SCAI: variants seen among roughly 807,000 people sequenced by gnomAD.
SCAI encodes protein SCAI.
A neutral mutation model predicts 92.2 loss-of-function variants in SCAI; 24 were observed. That is an observed-to-expected ratio of 0.26 (90% CI 0.19 to 0.37). The LOEUF is 0.37. SCAI is among the 10% of genes least tolerant of loss of function. The probability of loss-of-function intolerance (pLI) is 1.00; values close to 1 mark genes in which losing one functional copy is unlikely to be tolerated. For synonymous variants in SCAI, 261 were observed against 258.6 expected, an observed-to-expected ratio of 1.01 and a Z score of -0.09; for missense variants, 450 against 736.2, an observed-to-expected ratio of 0.61 and a Z score of 4.50.
intron 2 of SCAI, among the ~76,000 whole-genome samples, chr9:125,137,082 G>T (rs760831145): frequency 6.6e-6 from 1 of 152,048 alleles, no homozygotes; most frequent in Non-Finnish European, 1.5e-5. Flanking sequence ...TAAATATCTG[G>T]CTACAACCAT....
In SCAI at chr9:125,043,907, G is replaced by C. The variant is rs1202079555; in HGVS notation, c.230+11969C>G. ...GCCACCTACTGAGTTGGAGGGGTGG[G>C]AGCCCAGCGCTCCTGGGTGCAGCTG... On this transcript the variant is annotated intron_variant, in intron 3 of 17. Transcript: ENST00000336505. Among the ~76,000 whole-genome samples, 10 of 152,154 alleles carry C rather than the reference G, an allele frequency of 6.6e-5. No individual in the cohort carries two copies. The East Asian group carries it at 1.9e-3, about 29-fold the overall frequency.
intron 2 of SCAI, among the ~76,000 whole-genome samples, chr9:125,068,928 A>G (rs1833921196): frequency 6.6e-6 from 1 of 151,178 alleles, no homozygotes; most frequent in African/African-American, 2.4e-5. Flanking sequence ...ATATAACAAA[A>G]AATTTGACCA....
At chr9:125,093,576 T>TG (rs1834486967) in intron 2 of SCAI, among the ~76,000 whole-genome samples, 1 of 151,648 alleles carries the variant, frequency 6.6e-6, no homozygotes, top group Non-Finnish European at 1.5e-5. Flanking sequence ...CCTTTTTTTT[T>TG]TTTTTTTGAG....
In SCAI at chr9:124,942,769, A is replaced by G. The variant is rs570316954; in HGVS notation, c.*10038T>C. On this transcript the variant is annotated 3_prime_UTR_variant, in exon 18 of 18. Coordinates refer to ENST00000336505, the MANE Select transcript of SCAI (RefSeq NM_001144877.3). ...ATTTCTTTAATACACTGACAACAAA[A>G]ATCAAATATTCTCTAATCTCGTTAT... 24 of 152,332 alleles carry G rather than the reference A, an allele frequency of 1.6e-4. No individual in the cohort carries two copies. The East Asian group carries it at 4.4e-3, about 28-fold the overall frequency. 9.4% of individuals were successfully genotyped at this position (152,332 alleles called of 1,614,324 possible).
chr9:125,017,901 G>A (rs961706134), intron 9 of SCAI, among the ~76,000 whole-genome samples: 1 of 151,570 alleles, frequency 6.6e-6, no homozygotes, highest in Non-Finnish European at 1.5e-5. Flanking sequence ...CAGCTACTTG[G>A]GAGGCTGAGA....
At chr9:125,016,377 GA>G (rs1326331177) in intron 9 of SCAI, among the ~76,000 whole-genome samples, 1 of 123,942 alleles carries the variant, frequency 8.1e-6, no homozygotes, top group Non-Finnish European at 1.6e-5. Context: ...GACAGAGCAA[GA>G]CTCTGTCTCA....
At chr9:125,054,686 A>G (rs940473897) in intron 3 of SCAI, among the ~76,000 whole-genome samples, 1 of 152,214 alleles carries the variant, frequency 6.6e-6, no homozygotes, top group African/African-American at 2.4e-5. Flanking sequence ...AGACACAATT[A>G]ATTTATAAAG....
intron 14 of SCAI, among the ~76,000 whole-genome samples, chr9:124,990,905 T>C (rs886207535): frequency 1.3e-5 from 2 of 152,140 alleles, no homozygotes; most frequent in African/African-American, 2.4e-5. Context: ...TCATAAATAC[T>C]GTAGCTGAGA....
chr9:125,094,613 C>T (rs187616465), intron 2 of SCAI, among the ~76,000 whole-genome samples: 82 of 152,246 alleles, frequency 5.4e-4, no homozygotes, highest in African/African-American at 1.8e-3. Context: ...GTGACCCTTC[C>T]GCCTCAGCTC....
At chr9:125,001,886 TGGG>T in intron 12 of SCAI, 76 bp downstream of exon 12, 5 of 985,974 alleles carry the variant, frequency 5.1e-6, no homozygotes, top group Non-Finnish European at 8.0e-6. Flanking sequence ...AGATGGTCTG[TGGG>T]CTACGGGCCA....
intron 2 of SCAI, among the ~76,000 whole-genome samples, chr9:125,081,890 GGAA>G (rs1834226317): frequency 6.6e-6 from 1 of 152,198 alleles, no homozygotes; most frequent in Admixed American, 6.5e-5. Flanking sequence ...GTTTTATAAG[GGAA>G]GAAGAACATA....
At chr9:125,044,338 C>G (rs1284909437) in intron 3 of SCAI, among the ~76,000 whole-genome samples, 2 of 152,044 alleles carry the variant, frequency 1.3e-5, no homozygotes, top group Admixed American at 1.3e-4. Context: ...CAAAATAACC[C>G]CAGACAGCCA....
intron 2 of SCAI, among the ~76,000 whole-genome samples, chr9:125,079,828 A>G (rs2131178267): frequency 6.6e-6 from 1 of 152,296 alleles, no homozygotes; most frequent in South Asian, 2.1e-4. Context: ...ACAGTTATTG[A>G]CCCTCAGTTT....
At position 124,952,069 on chromosome 9, in the gene SCAI, T is replaced by C. The variant is rs1028354910; in HGVS notation, c.*738A>G. 1.3e-5 allele frequency: 2 copies of C among 152,190 alleles called. No homozygotes were observed. The highest frequency in any genetic ancestry group is 3.8e-4 in the East Asian group (2 of 5,198). The allele number at this position is 152,190 out of a possible 1,614,324, so 9.4% of individuals were successfully genotyped here. A position where few individuals can be genotyped will look rare whatever the true frequency, so the allele number is the denominator to read the frequency against. ...TGGAGACATTGTATTATGAAACCAA[T>C]GACATGGTTTTTTGACTAAAATATT... On this transcript the variant is annotated 3_prime_UTR_variant, in exon 18 of 18. Coordinates refer to ENST00000336505, the MANE Select transcript of SCAI (RefSeq NM_001144877.3).
intron 2 of SCAI, among the ~76,000 whole-genome samples, chr9:125,128,956 G>A (rs1469158722): frequency 4.0e-5 from 6 of 151,634 alleles, no homozygotes; most frequent in Admixed American, 6.6e-5. Flanking sequence ...CCAGCTATTC[G>A]GGAGACTGAG....
At chr9:125,036,968 T>A (rs886690206) in intron 3 of SCAI, among the ~76,000 whole-genome samples, 2 of 151,990 alleles carry the variant, frequency 1.3e-5, no homozygotes, top group African/African-American at 2.4e-5. Context: ...AAAACATTTT[T>A]AAAAAAATTA....
At chr9:125,114,863 T>C (rs1835007659) in intron 2 of SCAI, among the ~76,000 whole-genome samples, 1 of 146,756 alleles carries the variant, frequency 6.8e-6, no homozygotes, top group Admixed American at 7.1e-5. Context: ...AACCTCCATC[T>C]CCCAGGTTCA....
At chr9:125,025,298 T>A (rs190930753) in intron 6 of SCAI, among the ~76,000 whole-genome samples, 1 of 152,222 alleles carries the variant, frequency 6.6e-6, no homozygotes, top group Non-Finnish European at 1.5e-5. Context: ...CTAAATAATA[T>A]GCTCTGATCT....
chr9:124,996,449 G>A (rs925350783), intron 13 of SCAI, among the ~76,000 whole-genome samples: 2 of 150,356 alleles, frequency 1.3e-5, no homozygotes, highest in African/African-American at 4.9e-5. Flanking sequence ...CCATGGGCGT[G>A]CACCTCAACG....
Sources: gnomAD v4.1 joint callset for allele counts (sites outside exome capture counted in the v4.1 genomes callset) on GRCh38, gnomAD v4.1.1 for gene constraint, MANE v1.5 for transcripts, NCBI Gene and HGNC (gene_info 2026-07-23, HGNC 2026-07-21) for gene names.